GRIA3: variants seen among roughly 807,000 people sequenced by gnomAD.
The protein encoded by GRIA3 is glutamate ionotropic receptor AMPA type subunit 3.
Under a neutral mutation model 63.0 loss-of-function variants are expected in GRIA3, and 3 were observed. The observed-to-expected ratio is 0.05, with a 90% confidence interval of 0.02 to 0.12. The LOEUF is 0.12. GRIA3 is among the 10% of genes least tolerant of loss of function. GRIA3 has a pLI of 1.00. For synonymous variants in GRIA3, 274 were observed against 257.9 expected (o/e 1.06, Z -0.60); for missense variants, 347 against 700.9 (o/e 0.50, Z 5.70).
At chrX:123,200,608 TACACAC>T (rs200626306) in intron 2 of GRIA3, among the ~76,000 whole-genome samples, 1,179 of 76,357 alleles carry the variant, frequency 0.015, 7 homozygotes, top group Middle Eastern at 0.029. Flanking sequence ...CACACATACA[TACACAC>T]ACACACACAC....
chrX:123,273,499 T>C (rs773599733), intron 3 of GRIA3, among the ~76,000 whole-genome samples: 2 of 111,877 alleles, frequency 1.8e-5, no homozygotes, highest in Non-Finnish European at 3.8e-5. Flanking sequence ...AGTTTGTAAG[T>C]TGCAGAGTTA....
chrX:123,280,565 G>C (rs764503873), intron 3 of GRIA3, among the ~76,000 whole-genome samples: 26 of 111,856 alleles, frequency 2.3e-4, no homozygotes, highest in Admixed American at 2.3e-3. Flanking sequence ...TATCTAGTTT[G>C]GTCTACTTTT....
intron 3 of GRIA3, among the ~76,000 whole-genome samples, chrX:123,306,662 G>A (rs781658329): frequency 1.3e-4 from 14 of 111,765 alleles, no homozygotes; most frequent in Non-Finnish European, 2.4e-4. Context: ...AAAAGGCTCA[G>A]GGGAGGATGC....
chrX:123,423,682 G>C (rs1435656020), intron 11 of GRIA3, among the ~76,000 whole-genome samples: 1 of 111,304 alleles, frequency 9.0e-6, no homozygotes, highest in Non-Finnish European at 1.9e-5. Context: ...TGCATACTTT[G>C]GAAGAAAGAA....
chrX:123,448,035 T>C (rs2045711976), intron 12 of GRIA3, among the ~76,000 whole-genome samples: 1 of 112,174 alleles, frequency 8.9e-6, no homozygotes, highest in Non-Finnish European at 1.9e-5. Context: ...CAGAAAAAGA[T>C]AATCAGGCTA....
intron 4 of GRIA3, among the ~76,000 whole-genome samples, chrX:123,333,761 T>C (rs1205369733): frequency 9.0e-6 from 1 of 111,089 alleles, no homozygotes; most frequent in African/African-American, 3.3e-5. Flanking sequence ...CATTCCTCTT[T>C]GCTTTCCTTG....
chrX:123,267,415 C>A (rs1298148398), intron 3 of GRIA3, among the ~76,000 whole-genome samples: 1 of 111,954 alleles, frequency 8.9e-6, no homozygotes, highest in Non-Finnish European at 1.9e-5. Context: ...GACAAAGCTG[C>A]AGTGCGCCTT....
intron 5 of GRIA3, among the ~76,000 whole-genome samples, chrX:123,382,313 T>TA (rs1007028620): frequency 3.7e-4 from 40 of 108,903 alleles, no homozygotes; most frequent in East Asian, 3.2e-3. Flanking sequence ...TCTTGCCAGC[T>TA]AAAAAAAAAG....
At chrX:123,373,664 G>T (rs1210808254) in intron 5 of GRIA3, among the ~76,000 whole-genome samples, 1 of 111,964 alleles carries the variant, frequency 8.9e-6, no homozygotes, top group Admixed American at 9.4e-5. Context: ...TTTGAGAAGG[G>T]TCTGTTCATA....
chrX:123,318,329 C>T (rs1215437076), intron 3 of GRIA3, among the ~76,000 whole-genome samples: 1 of 112,182 alleles, frequency 8.9e-6, no homozygotes, highest in Non-Finnish European at 1.9e-5. Flanking sequence ...TTCTGCAGCC[C>T]GGTTGAATTT....
chrX:123,256,740 G>A (rs2044422021), intron 3 of GRIA3, among the ~76,000 whole-genome samples: 1 of 111,892 alleles, frequency 8.9e-6, no homozygotes, highest in African/African-American at 3.2e-5. Flanking sequence ...TTCTGAGCAG[G>A]GAAGTCACAT....
At chrX:123,345,196 G>A (rs1429926327) in intron 4 of GRIA3, among the ~76,000 whole-genome samples, 1 of 111,294 alleles carries the variant, frequency 9.0e-6, no homozygotes, top group Non-Finnish European at 1.9e-5. Flanking sequence ...CTATAATGAA[G>A]CACGAATAAG....
chrX:123,484,425 G>T (rs1199647585), intron 15 of GRIA3, among the ~76,000 whole-genome samples: 1 of 111,746 alleles, frequency 8.9e-6, no homozygotes, highest in Non-Finnish European at 1.9e-5. Flanking sequence ...AAGTGCATTT[G>T]TGTTTTGTTG....
intron 5 of GRIA3, among the ~76,000 whole-genome samples, chrX:123,374,053 C>T (rs957003348): frequency 9.0e-6 from 1 of 111,698 alleles, no homozygotes; most frequent in Admixed American, 9.5e-5. Flanking sequence ...GGAAGGGATC[C>T]AGTTTCAGCT....
rs761564682 is a variant in GRIA3, at chrX:123,290,586, CTGTGTGTGTGTGTGTGTGTG to C, written c.509-35416_509-35397del. Among the ~76,000 whole-genome samples the C allele has an allele frequency of 4.5e-3, 405 of 90,193 alleles. 5 individuals carry two copies. The highest frequency in any genetic ancestry group is 0.014 in the African/African-American group (349 of 24,832). 78.3% of individuals were successfully genotyped at this position (90,193 alleles called of 115,157 possible). ...TCTCTTGCTCCCTCTCCTCAAAGGACTGTGTGTGTGTGTGTGTGTGTGTGTGTGTGTGTGTGTGTGTGTAA... is the reference window on the plus strand; with the variant it reads ...TCTCTTGCTCCCTCTCCTCAAAGGACTGTGTGTGTGTGTGTGTGTGTGTAA... On this transcript the variant is annotated intron_variant, in intron 3 of 15. Transcript: ENST00000620443.
chrX:123,335,444 T>C (rs1175906941), intron 4 of GRIA3, among the ~76,000 whole-genome samples: 1 of 111,799 alleles, frequency 8.9e-6, no homozygotes, highest in African/African-American at 3.2e-5. Context: ...GATTTGTTTG[T>C]TTATCATAAG....
rs765953916 is a variant in GRIA3, at chrX:123,482,689, A to G, written c.2440-110A>G. 5.4e-5 allele frequency: 47 copies of G among 867,916 alleles called. No homozygotes were observed. The East Asian group carries it at 1.2e-3, about 23-fold the overall frequency. 71.5% of individuals were successfully genotyped at this position (867,916 alleles called of 1,213,427 possible). A position where few individuals can be genotyped will look rare whatever the true frequency, so the allele number is the denominator to read the frequency against. On this transcript the variant is annotated intron_variant, in intron 14 of 15. Transcript: ENST00000620443. ...GAATTGAGTCATAACACTTACATCA[A>G]TGTTTAGTTATTTTACAATTTAGAA...
chrX:123,459,968 C>T (rs1166212990), intron 12 of GRIA3, among the ~76,000 whole-genome samples: 2 of 111,756 alleles, frequency 1.8e-5, no homozygotes, highest in Non-Finnish European at 3.8e-5. Flanking sequence ...TTTCCCCCTT[C>T]TAATCTTTTT....
chrX:123,249,672 C>T (rs1283323845), intron 2 of GRIA3, among the ~76,000 whole-genome samples: 3 of 111,586 alleles, frequency 2.7e-5, no homozygotes, highest in Non-Finnish European at 5.6e-5. Flanking sequence ...CTGATTTTCA[C>T]CTAAAACTCT....
Sources: allele counts gnomAD v4.1 joint callset (sites outside exome capture counted in the v4.1 genomes callset), GRCh38; gene constraint gnomAD v4.1.1; transcripts MANE v1.5; gene names NCBI Gene and HGNC (gene_info 2026-07-23, HGNC 2026-07-21).